ARHGEF16: variants seen among roughly 807,000 people sequenced by gnomAD.
The protein encoded by ARHGEF16 is Rho guanine exchange factor (GEF) 16.
In ARHGEF16, 59 loss-of-function variants were observed where a neutral mutation model predicts 74.1. The ratio of observed to expected loss-of-function variants is 0.80; its 90% CI spans 0.65 to 0.99. ARHGEF16 has a LOEUF of 0.99. ARHGEF16 is among the 50% of genes least tolerant of loss of function. The pLI, the probability that ARHGEF16 is intolerant of heterozygous loss-of-function variation, is 0.00. For synonymous variants in ARHGEF16, 415 were observed against 412.6 expected (o/e 1.01, Z -0.07); for missense variants, 948 against 986.6 (o/e 0.96, Z 0.52).
chr1:3,466,320 C>G, intron 3 of ARHGEF16, 127 bp downstream of exon 3: 1 of 1,009,158 alleles, frequency 9.9e-7, no homozygotes, highest in Non-Finnish European at 1.4e-6. Context: ...TGACAGGGTC[C>G]TTCCAGAGGC....
At position 3,469,454 on chromosome 1, in the gene ARHGEF16, T is replaced by C; in HGVS notation, c.883T>C (p.Ser295Pro). ...RQEAMFEILT[S>P]EFSYQHSLSI... ...ACAGGCCATGTTCGAGATCCTCACG[T>C]CGGAGTTCTCCTACCAGCACAGCCT... The change falls in exon 6 of 15, where the codon TCG (serine) becomes CCG (proline). Residue 295 changes from serine (S) to proline (P), a missense_variant. Coordinates refer to ENST00000378378, the MANE Select transcript of ARHGEF16 (RefSeq NM_014448.4). 6.2e-7 allele frequency: 1 copy of C among 1,612,998 alleles called. No homozygotes were observed. The highest frequency in any genetic ancestry group is 1.1e-5 in the South Asian group (1 of 91,080).
At position 3,463,093 on chromosome 1, in the gene ARHGEF16, G is replaced by T. The variant is rs1278800066; in HGVS notation, c.9G>T (p.Gln3His). MA[Q>H]RHSDSSLEEK... ...CCCCACAGCCGCCCAGCATGGCCCA[G>T]CGGCACTCAGACAGCTCCTTGGAGG... Residue 3 changes from glutamine (Q) to histidine (H), a missense_variant, in exon 2 of 15, where the codon CAG becomes CAT. Gln to His is a conservative substitution (Grantham distance 24, BLOSUM62 0). Coordinates refer to ENST00000378378, the MANE Select transcript of ARHGEF16 (RefSeq NM_014448.4). 4.8e-6 allele frequency: 7 copies of T among 1,454,982 alleles called. No individual in the cohort carries two copies. The South Asian group carries it at 1.0e-4, about 21-fold the overall frequency. The allele number at this position is 1,454,982 out of a possible 1,614,324, so 90.1% of individuals were successfully genotyped here.
In ARHGEF16 at chr1:3,480,434, CT is replaced by C. The variant is rs754077983; in HGVS notation, c.1991-13del. The C allele has an allele frequency of 3.2e-5, 52 of 1,611,954 alleles. No individual in the cohort carries two copies. The African/African-American group carries it at 4.4e-4, about 14-fold the overall frequency. On this transcript the variant is annotated splice_polypyrimidine_tract_variant and intron_variant, in intron 14 of 14. Transcript: ENST00000378378. ...CCTTCCCCTCACCTCCCTCCCACCC[CT>C]ATCCGGGTTCAGGGTGGCTCTATGG... is the stretch of plus-strand genomic sequence containing the variant.
rs566557044 is a variant in ARHGEF16 at position 3,455,047 on chromosome 1, C to A, written c.-20+236C>A. The stretch of plus-strand genomic sequence containing the variant: ...CGGATGCGACTTTGGACCCGCCCCC[C>A]CACACACACCAGGCAGCCCCCTGCT... On this transcript the variant is annotated intron_variant, in intron 1 of 14. Transcript: ENST00000378378. 3.8e-3 allele frequency among the ~76,000 whole-genome samples: 575 copies of A among 151,984 alleles called. 6 individuals are homozygous for A. Among genetic ancestry groups the A allele is most frequent in the African/African-American group, 0.012 (517 of 41,482 alleles).
intron 1 of ARHGEF16, among the ~76,000 whole-genome samples, chr1:3,457,072 A>C (rs1639281454): frequency 1.3e-5 from 2 of 152,250 alleles, no homozygotes. Context: ...ACGTTGGCAA[A>C]TGTGCCCTGG....
At chr1:3,474,609 G>A in intron 8 of ARHGEF16, 99 bp from the exon 9 acceptor site, 1 of 1,193,882 alleles carries the variant, frequency 8.4e-7, no homozygotes, top group South Asian at 1.3e-5. Flanking sequence ...GGCAGCTGTT[G>A]ACCACCCTGC....
intron 6 of ARHGEF16, chr1:3,471,653 G>T: frequency 8.1e-7 from 1 of 1,227,076 alleles, no homozygotes; most frequent in South Asian, 1.4e-5. Flanking sequence ...GCCTCAGGCA[G>T]CTGCATGTTT....
At position 3,464,548 on chromosome 1, in the gene ARHGEF16, G is replaced by A. The variant is rs185753767; in HGVS notation, c.588+876G>A. On this transcript the variant is annotated intron_variant, in intron 2 of 14. Coordinates refer to ENST00000378378, the MANE Select transcript of ARHGEF16 (RefSeq NM_014448.4). ...CCATCAGGAGGCCCTGGCAGCCCGA[G>A]CACCCTCAAGAATGCAGAGCAGATG... 3.0e-4 allele frequency among the ~76,000 whole-genome samples: 45 copies of A among 152,318 alleles called. No homozygotes were observed. In the East Asian group the frequency reaches 8.7e-3, roughly 29 times the overall value.
chr1:3,476,462 G>A (rs1330771188), intron 10 of ARHGEF16, among the ~76,000 whole-genome samples: 1 of 152,192 alleles, frequency 6.6e-6, no homozygotes, highest in African/African-American at 2.4e-5. Context: ...GGACAGAGCG[G>A]AGGGGACAGG....
rs912329893 is a variant in ARHGEF16, at chr1:3,477,219, G to A, written c.1474-656G>A. Among the ~76,000 whole-genome samples, 5 of 57,596 alleles carry A rather than the reference G, an allele frequency of 8.7e-5. No individual in the cohort carries two copies. The East Asian group carries it at 2.1e-3, about 24-fold the overall frequency. 37.8% of individuals were successfully genotyped at this position (57,596 alleles called of 152,430 possible). On this transcript the variant is annotated intron_variant, in intron 10 of 14. Transcript: ENST00000378378. ...GAGGTGTCAACAGTCGCTGAGGAGC[G>A]GGAGCTGGTGGGCAGGCTCCTCATT... is the stretch of plus-strand genomic sequence containing the variant.
intron 2 of ARHGEF16, among the ~76,000 whole-genome samples, chr1:3,464,267 A>G (rs780109677): frequency 3.3e-5 from 5 of 152,188 alleles, no homozygotes; most frequent in Non-Finnish European, 7.3e-5. Context: ...ACTAGGGCCC[A>G]GGGGACAGAG....
rs748391794 is a variant in ARHGEF16, at chr1:3,469,420, C to T, written c.862-13C>T. 6.2e-7 allele frequency: 1 copy of T among 1,612,536 alleles called. No individual in the cohort carries two copies. The highest frequency in any genetic ancestry group is 1.1e-5 in the South Asian group (1 of 91,058). On this transcript the variant is annotated splice_polypyrimidine_tract_variant and intron_variant, in intron 5 of 14. Transcript: ENST00000378378. ...AGCGTCACTGTGGGGCTCACCTAGGCCCCTCTCCACAGGCCATGTTCGAGA... is the reference window on the plus strand; with the variant it reads ...AGCGTCACTGTGGGGCTCACCTAGGTCCCTCTCCACAGGCCATGTTCGAGA...
chr1:3,480,500 G>A lies in ARHGEF16; in HGVS notation c.2043G>A (p.Glu681=). ...LRDGETGWFP[E]DFARFITSRV... ...ACGGAGAGACGGGATGGTTCCCCGA[G>A]GACTTTGCCCGCTTCATCACCAGCC... The change falls in exon 15 of 15, where the codon GAG becomes GAA. Residue 681 remains glutamate (E), a synonymous_variant. Transcript: ENST00000378378. 6.2e-7 allele frequency: 1 copy of A among 1,612,602 alleles called. No homozygotes were observed. Among genetic ancestry groups the A allele is most frequent in the Non-Finnish European group, 8.5e-7 (1 of 1,179,962 alleles).
At chr1:3,471,921 C>A in intron 6 of ARHGEF16, 2 of 695,410 alleles carry the variant, frequency 2.9e-6, no homozygotes, top group Non-Finnish European at 3.6e-6. Context: ...CAACCGAGGC[C>A]TCCCATGACC....
In ARHGEF16 at chr1:3,473,201, C is replaced by A; in HGVS notation, c.1146C>A (p.Val382=). The stretch of plus-strand genomic sequence containing the variant: ...ACATCGCCTACTGCTCCAACGAGGT[C>A]TACCAACAGCGCACGCTGCAGAAGC... ...HPYIAYCSNE[V]YQQRTLQKLI... Residue 382 remains valine (V), a synonymous_variant, in exon 7 of 15, where the codon GTC becomes GTA. Transcript: ENST00000378378. 6.2e-7 allele frequency: 1 copy of A among 1,613,324 alleles called. No homozygotes were observed.
intron 3 of ARHGEF16, among the ~76,000 whole-genome samples, chr1:3,466,395 C>G (rs1639546005): frequency 6.6e-6 from 1 of 152,134 alleles, no homozygotes; most frequent in Non-Finnish European, 1.5e-5. Context: ...AGAAAGTTCC[C>G]TTGGACTCTA....
intron 1 of ARHGEF16, among the ~76,000 whole-genome samples, chr1:3,460,483 C>T (rs1639367080): frequency 6.6e-6 from 1 of 152,116 alleles, no homozygotes; most frequent in Non-Finnish European, 1.5e-5. Flanking sequence ...GGAGATGGGG[C>T]ACAGTGATGT....
rs747396430 is a variant in ARHGEF16 at position 3,477,121 on chromosome 1, C to T, written c.1474-754C>T. Among the ~76,000 whole-genome samples the T allele has an allele frequency of 8.3e-4, 126 of 151,668 alleles. 1 individual carries two copies. The highest frequency in any genetic ancestry group is 1.4e-3 in the Non-Finnish European group (98 of 67,852). On this transcript the variant is annotated intron_variant, in intron 10 of 14. Transcript: ENST00000378378. The stretch of plus-strand genomic sequence containing the variant: ...GGAGGGTGGTGGCAGAGGCCGGGAG[C>T]GGGAGGTGCCGGGGGCTCTGAGTCT...
At chr1:3,473,664 G>A (rs774245203) in intron 8 of ARHGEF16, 142 bp downstream of exon 8, 6 of 1,373,554 alleles carry the variant, frequency 4.4e-6, no homozygotes, top group South Asian at 2.6e-5. Context: ...ACGATCCTAA[G>A]ATGGCTTTAT....
Sources: allele counts gnomAD v4.1 joint callset (sites outside exome capture counted in the v4.1 genomes callset), GRCh38; gene constraint gnomAD v4.1.1; transcripts MANE v1.5; gene names NCBI Gene and HGNC (gene_info 2026-07-23, HGNC 2026-07-21).